Variants in ARHGEF28 observed in about 807,000 individuals in gnomAD.
ARHGEF28 encodes 190 kDa guanine nucleotide exchange factor.
A neutral mutation model predicts 206.6 loss-of-function variants in ARHGEF28; 152 were observed. The ratio of observed to expected loss-of-function variants is 0.74; its 90% CI spans 0.64 to 0.84. ARHGEF28 has a LOEUF of 0.84. Ranked by LOEUF, ARHGEF28 falls within the 40% of genes least tolerant of loss-of-function variation. ARHGEF28 has a pLI of 0.00. For missense variants in ARHGEF28, 2,028 were observed against 2,073.2 expected (o/e 0.98, Z 0.42); for synonymous variants, 763 against 776.4 (o/e 0.98, Z 0.29).
intron 2 of ARHGEF28, among the ~76,000 whole-genome samples, chr5:73,707,022 T>C (rs1341680366): frequency 2.0e-5 from 3 of 152,182 alleles, no homozygotes; most frequent in Admixed American, 6.5e-5. Flanking sequence ...AGTGCTAGAA[T>C]TGGGATCCTG....
At chr5:73,924,246 C>T (rs1400494975) in intron 35 of ARHGEF28, among the ~76,000 whole-genome samples, 1 of 152,144 alleles carries the variant, frequency 6.6e-6, no homozygotes, top group Admixed American at 6.5e-5. Flanking sequence ...TTTATTTATA[C>T]TGAACAATGG....
At chr5:73,773,355 C>G (rs748400708) in intron 4 of ARHGEF28, among the ~76,000 whole-genome samples, 1 of 152,130 alleles carries the variant, frequency 6.6e-6, no homozygotes, top group Non-Finnish European at 1.5e-5. Flanking sequence ...TTGAGAATGA[C>G]CCATATGAAG....
rs548503883 is a variant in ARHGEF28, at chr5:73,824,717, C to T, written c.1025-7621C>T. ...TCCTGACCTCAGGTGATTCACCCACCTTGGCCTCCCAAAGTGCTGGGATTA... is the reference window on the plus strand; with the variant it reads ...TCCTGACCTCAGGTGATTCACCCACTTTGGCCTCCCAAAGTGCTGGGATTA... On this transcript the variant is annotated intron_variant, in intron 9 of 35. Transcript: ENST00000513042. Among the ~76,000 whole-genome samples the T allele has an allele frequency of 6.6e-5, 10 of 152,234 alleles. No homozygotes were observed. In the East Asian group the frequency reaches 1.7e-3, roughly 26 times the overall value.
intron 2 of ARHGEF28, among the ~76,000 whole-genome samples, chr5:73,736,609 A>G (rs1297309127): frequency 6.6e-6 from 1 of 152,180 alleles, no homozygotes; most frequent in African/African-American, 2.4e-5. Context: ...AGCAACCACA[A>G]TTAATAAACT....
At chr5:73,930,019 T>A (rs2112017578) in intron 35 of ARHGEF28, among the ~76,000 whole-genome samples, 1 of 152,346 alleles carries the variant, frequency 6.6e-6, no homozygotes, top group Admixed American at 6.5e-5. Context: ...TATTTATTAC[T>A]AAGGAGCATT....
intron 1 of ARHGEF28, among the ~76,000 whole-genome samples, chr5:73,641,719 G>A (rs978383007): frequency 6.6e-6 from 1 of 152,174 alleles, no homozygotes; most frequent in African/African-American, 2.4e-5. Context: ...GAGCTTACGA[G>A]GTTTAGTCAA....
In ARHGEF28 at chr5:73,701,359, T is replaced by TA. The variant is rs1561343264; in HGVS notation, c.33+16481dup. 3.3e-5 allele frequency among the ~76,000 whole-genome samples: 5 copies of TA among 152,078 alleles called. No individual in the cohort carries two copies. The South Asian group carries it at 1.0e-3, about 32-fold the overall frequency. ...GGGAGTTTTCCCCCAGGCAAAGGGGTAAAAAATAAGCCATATAAGGTGATA... is the reference window on the plus strand; with the variant it reads ...GGGAGTTTTCCCCCAGGCAAAGGGGTAAAAAAATAAGCCATATAAGGTGATA... On this transcript the variant is annotated intron_variant, in intron 2 of 35. Coordinates refer to ENST00000513042, the MANE Select transcript of ARHGEF28 (RefSeq NM_001177693.2).
intron 9 of ARHGEF28, among the ~76,000 whole-genome samples, chr5:73,828,714 CTCTT>C (rs1290564945): frequency 6.8e-5 from 10 of 147,790 alleles, no homozygotes; most frequent in Non-Finnish European, 1.5e-4. Flanking sequence ...CTGTCTCTTT[CTCTT>C]TCTTTCTCTC....
intron 1 of ARHGEF28, among the ~76,000 whole-genome samples, chr5:73,652,822 T>C (rs1162633037): frequency 1.3e-5 from 2 of 152,154 alleles, no homozygotes; most frequent in Non-Finnish European, 2.9e-5. Flanking sequence ...AGCTTTCAAG[T>C]GGTTGAGTGA....
intron 1 of ARHGEF28, chr5:73,627,363 T>C (rs1743073752): frequency 6.6e-6 from 1 of 151,728 alleles, no homozygotes; most frequent in Non-Finnish European, 1.5e-5. Context: ...TTCTGAAGCG[T>C]TGTTATCTTG....
At chr5:73,800,673 A>G (rs2112496579) in intron 9 of ARHGEF28, among the ~76,000 whole-genome samples, 1 of 152,336 alleles carries the variant, frequency 6.6e-6, no homozygotes, top group East Asian at 1.9e-4. Flanking sequence ...AAACCCGTCT[A>G]GAGGCCAGTT....
intron 7 of ARHGEF28, among the ~76,000 whole-genome samples, chr5:73,785,469 G>A (rs527295396): frequency 2.0e-5 from 3 of 152,162 alleles, no homozygotes; most frequent in East Asian, 3.9e-4. Flanking sequence ...CCAGTAATGC[G>A]CACACCAGAG....
At chr5:73,788,278 G>A (rs1225646378) in intron 7 of ARHGEF28, among the ~76,000 whole-genome samples, 1 of 152,130 alleles carries the variant, frequency 6.6e-6, no homozygotes, top group Admixed American at 6.5e-5. Context: ...AAGATGACTT[G>A]CTTAATTTTA....
At chr5:73,699,000 C>G (rs1748403441) in intron 2 of ARHGEF28, among the ~76,000 whole-genome samples, 1 of 152,014 alleles carries the variant, frequency 6.6e-6, no homozygotes, top group African/African-American at 2.4e-5. Context: ...ACCTGCATCA[C>G]CACATTATAT....
chr5:73,863,452 G>A (rs1203922310), intron 16 of ARHGEF28: 3 of 152,008 alleles, frequency 2.0e-5, no homozygotes. Flanking sequence ...AGTCTTTCAA[G>A]TGTAATTTCA....
At chr5:73,724,853 C>G (rs904226131) in intron 2 of ARHGEF28, among the ~76,000 whole-genome samples, 2 of 152,154 alleles carry the variant, frequency 1.3e-5, no homozygotes, top group Non-Finnish European at 2.9e-5. Context: ...GCTGCCATAA[C>G]CATCCATACA....
chr5:73,852,767 T>C, intron 14 of ARHGEF28, 75 bp downstream of exon 14: 1 of 1,492,324 alleles, frequency 6.7e-7, no homozygotes, highest in Non-Finnish European at 9.3e-7. Flanking sequence ...TCATTTTTGC[T>C]ATCTGTTCAC....
At chr5:73,639,970 AT>A (rs1449391731) in intron 1 of ARHGEF28, among the ~76,000 whole-genome samples, 11 of 152,222 alleles carry the variant, frequency 7.2e-5, no homozygotes, top group Non-Finnish European at 1.6e-4. Flanking sequence ...GTTGCTTTTT[AT>A]ATTCTTAACG....
chr5:73,831,239 A>G (rs1757282822), intron 9 of ARHGEF28, among the ~76,000 whole-genome samples: 2 of 152,218 alleles, frequency 1.3e-5, no homozygotes, highest in Non-Finnish European at 2.9e-5. Context: ...GGAAAGCATA[A>G]TAGTAATCTG....
Sources: allele counts gnomAD v4.1 joint callset (sites outside exome capture counted in the v4.1 genomes callset), GRCh38; gene constraint gnomAD v4.1.1; transcripts MANE v1.5; gene names NCBI Gene and HGNC (gene_info 2026-07-23, HGNC 2026-07-21).